The following HAO1 variants were observed in gnomAD, a reference collection of about 807,000 sequenced individuals.
HAO1 encodes 2-Hydroxyacid oxidase 1.
HAO1 carries 34 observed loss-of-function variants against 39.7 expected under a neutral mutation model. The observed-to-expected ratio is 0.86, with a 90% confidence interval of 0.65 to 1.14. The LOEUF is 1.14. Ranked by LOEUF, HAO1 falls within the 50% of genes most tolerant of loss-of-function variation. The pLI, the probability that HAO1 is intolerant of heterozygous loss-of-function variation, is 0.00. For synonymous variants in HAO1, 172 were observed against 173.2 expected, an observed-to-expected ratio of 0.99 and a Z score of 0.05; for missense variants, 479 against 464.5, an observed-to-expected ratio of 1.03 and a Z score of -0.29.
At chr20:7,922,209 A>T (rs960597729) in intron 2 of HAO1, among the ~76,000 whole-genome samples, 1 of 152,192 alleles carries the variant, frequency 6.6e-6, no homozygotes, top group Non-Finnish European at 1.5e-5. Context: ...GCTCAGTATC[A>T]CTAATTATCA....
At chr20:7,936,719 T>A (rs2050414085) in intron 1 of HAO1, among the ~76,000 whole-genome samples, 1 of 152,074 alleles carries the variant, frequency 6.6e-6, no homozygotes, top group Non-Finnish European at 1.5e-5. Context: ...AAACAGTATT[T>A]TCTGTTCTGA....
intron 4 of HAO1, among the ~76,000 whole-genome samples, chr20:7,904,060 G>A (rs567407142): frequency 6.6e-6 from 1 of 152,098 alleles, no homozygotes; most frequent in Non-Finnish European, 1.5e-5. Context: ...AGATTGAAAA[G>A]GTGGTTAAAA....
At chr20:7,896,544 G>A (rs1485748845) in intron 4 of HAO1, among the ~76,000 whole-genome samples, 1 of 152,004 alleles carries the variant, frequency 6.6e-6, no homozygotes, top group Non-Finnish European at 1.5e-5. Context: ...AATGATGATA[G>A]TGATATTTTT....
chr20:7,885,274 T>C (rs1231135876), intron 7 of HAO1, among the ~76,000 whole-genome samples: 1 of 152,134 alleles, frequency 6.6e-6, no homozygotes, highest in African/African-American at 2.4e-5. Flanking sequence ...AATATGATGT[T>C]ACAACCACCT....
intron 4 of HAO1, among the ~76,000 whole-genome samples, chr20:7,898,552 C>T (rs770504194): frequency 1.3e-5 from 2 of 152,104 alleles, no homozygotes; most frequent in South Asian, 2.1e-4. Flanking sequence ...TCATCTCAAA[C>T]GTATTTCATA....
intron 1 of HAO1, among the ~76,000 whole-genome samples, chr20:7,938,026 T>C (rs1173808012): frequency 6.6e-6 from 1 of 152,220 alleles, no homozygotes; most frequent in Non-Finnish European, 1.5e-5. Flanking sequence ...AATGACCTTT[T>C]GTTGTACTTG....
intron 3 of HAO1, among the ~76,000 whole-genome samples, chr20:7,908,253 A>G (rs1308191880): frequency 2.0e-5 from 3 of 152,032 alleles, no homozygotes; most frequent in Non-Finnish European, 4.4e-5. Flanking sequence ...TTAGCCGGAC[A>G]TAGTGGTGGG....
At chr20:7,908,612 G>A (rs757684649) in intron 3 of HAO1, among the ~76,000 whole-genome samples, 2 of 152,038 alleles carry the variant, frequency 1.3e-5, no homozygotes, top group Non-Finnish European at 2.9e-5. Context: ...CTATTAACAA[G>A]GCTTTCTCAA....
intron 2 of HAO1, among the ~76,000 whole-genome samples, chr20:7,915,589 A>G (rs1480618946): frequency 6.7e-6 from 1 of 150,360 alleles, no homozygotes; most frequent in South Asian, 2.1e-4. Context: ...TTAGAGATAA[A>G]GATAGAGATA....
chr20:7,931,843 C>G (rs963102709), intron 2 of HAO1, among the ~76,000 whole-genome samples: 8 of 152,158 alleles, frequency 5.3e-5, no homozygotes, highest in Non-Finnish European at 8.8e-5. Context: ...GAGAATAAGT[C>G]TGTCATTGAC....
intron 4 of HAO1, among the ~76,000 whole-genome samples, chr20:7,897,106 T>A (rs1248184061): frequency 6.6e-6 from 1 of 152,218 alleles, no homozygotes; most frequent in African/African-American, 2.4e-5. Flanking sequence ...ATAATCTAAG[T>A]GGAAAAACCA....
chr20:7,903,642 G>A (rs192122611), intron 4 of HAO1, among the ~76,000 whole-genome samples: 232 of 151,310 alleles, frequency 1.5e-3, no homozygotes, highest in African/African-American at 5.0e-3. Flanking sequence ...GATGGTGGTG[G>A]TGATGATAGC....
rs529336138 is a variant in HAO1, at chr20:7,906,247, C to G, written c.628G>C (p.Ala210Pro). 2 of 1,611,118 alleles carry G rather than the reference C, an allele frequency of 1.2e-6. No individual in the cohort carries two copies. Among genetic ancestry groups the G allele is most frequent in the East Asian group, 4.5e-5 (2 of 44,790 alleles). ...CTGATAGATGGGTCTATTGCTTTAGCCACATATGCAGCAAGTCCACTGTCG... is the reference window on the plus strand; with the variant it reads ...CTGATAGATGGGTCTATTGCTTTAGGCACATATGCAGCAAGTCCACTGTCG... ...GDDSGLAAYV[A>P]KAIDPSISWE... Residue 210 changes from alanine to proline, a missense_variant, in exon 4 of 8, where the codon GCT becomes CCT. Transcript: ENST00000378789.
At chr20:7,925,833 GA>G (rs1392419471) in intron 2 of HAO1, among the ~76,000 whole-genome samples, 1 of 152,086 alleles carries the variant, frequency 6.6e-6, no homozygotes, top group Non-Finnish European at 1.5e-5. Flanking sequence ...CAAAATCGTA[GA>G]AATCACTCCA....
At chr20:7,886,983 C>G (rs941876945) in intron 5 of HAO1, among the ~76,000 whole-genome samples, 2 of 152,166 alleles carry the variant, frequency 1.3e-5, no homozygotes, top group Non-Finnish European at 2.9e-5. Context: ...CCAAGCCCAG[C>G]TGGAGCTGAC....
intron 5 of HAO1, among the ~76,000 whole-genome samples, chr20:7,892,757 T>C (rs1401177466): frequency 6.6e-6 from 1 of 152,074 alleles, no homozygotes; most frequent in Non-Finnish European, 1.5e-5. Flanking sequence ...AGTAGATAGA[T>C]AGATAGGTAG....
At chr20:7,900,679 G>A (rs2050217619) in intron 4 of HAO1, among the ~76,000 whole-genome samples, 2 of 152,042 alleles carry the variant, frequency 1.3e-5, no homozygotes, top group African/African-American at 4.8e-5. Context: ...CTCTCCTCAG[G>A]CCTCCCTATT....
chr20:7,934,989 C>T (rs1182648404), intron 1 of HAO1, among the ~76,000 whole-genome samples: 1 of 152,190 alleles, frequency 6.6e-6, no homozygotes, highest in Non-Finnish European at 1.5e-5. Context: ...AAAAAAGTCC[C>T]CATTTTCTTT....
intron 2 of HAO1, among the ~76,000 whole-genome samples, chr20:7,930,735 C>A (rs1056484920): frequency 6.6e-6 from 1 of 152,192 alleles, no homozygotes; most frequent in Non-Finnish European, 1.5e-5. Context: ...AGGTATTTAT[C>A]CACCTACTGC....
Sources: gnomAD v4.1 joint callset for allele counts (sites outside exome capture counted in the v4.1 genomes callset) on GRCh38, gnomAD v4.1.1 for gene constraint, MANE v1.5 for transcripts, NCBI Gene and HGNC (gene_info 2026-07-23, HGNC 2026-07-21) for gene names.